Variants in MTHFD2L observed in about 807,000 individuals in gnomAD.
MTHFD2L encodes methylenetetrahydrofolate dehydrogenase (NADP+ dependent) 2 like.
In MTHFD2L, 29 loss-of-function variants were observed where a neutral mutation model predicts 34.9. The ratio of observed to expected loss-of-function variants is 0.83; its 90% CI spans 0.62 to 1.13. The LOEUF is 1.13. MTHFD2L is among the 50% of genes most tolerant of loss of function. The pLI is 0.00. For missense variants in MTHFD2L, 481 were observed against 446.5 expected (o/e 1.08, Z -0.70); for synonymous variants, 167 against 155.7 (o/e 1.07, Z -0.54).
chr4:74,219,087 G>A (rs492042), intron 5 of MTHFD2L, among the ~76,000 whole-genome samples: 142,374 of 152,100 alleles, frequency 0.94, 67,028 homozygotes, highest in Non-Finnish European at 0.99. Context: ...GATTTAAAGT[G>A]TGTAGGAGTA....
chr4:74,145,388 T>C (rs1723534104), intron 1 of MTHFD2L, among the ~76,000 whole-genome samples: 1 of 152,188 alleles, frequency 6.6e-6, no homozygotes, highest in African/African-American at 2.4e-5. Flanking sequence ...TACTTCACCA[T>C]TTTATATAAA....
chr4:74,193,760 ATTGAC>A (rs1732987591), intron 3 of MTHFD2L, among the ~76,000 whole-genome samples: 2 of 152,240 alleles, frequency 1.3e-5, no homozygotes, highest in South Asian at 4.1e-4. Context: ...GTTTTCTTAT[ATTGAC>A]TTTGTAATCT....
At chr4:74,167,075 C>T (rs180890211) in intron 1 of MTHFD2L, among the ~76,000 whole-genome samples, 9 of 152,302 alleles carry the variant, frequency 5.9e-5, no homozygotes, top group Middle Eastern at 3.4e-3. Context: ...TCTGTATTTG[C>T]AGACCAAGGC....
At chr4:74,219,444 C>T (rs963579550) in intron 5 of MTHFD2L, among the ~76,000 whole-genome samples, 9 of 151,958 alleles carry the variant, frequency 5.9e-5, no homozygotes, top group East Asian at 1.9e-4. Context: ...GTACCTGCTG[C>T]GACTTGCTAG....
At chr4:74,157,967 C>T (rs1560420538), upstream of MTHFD2L, 4 of 1,037,126 alleles carry the variant, frequency 3.9e-6, no homozygotes, top group Non-Finnish European at 5.8e-6. Context: ...TCAGTTCCGT[C>T]CCCGGTCCTG....
At chr4:74,136,353 G>A (rs1031970985) in intron 1 of MTHFD2L, among the ~76,000 whole-genome samples, 4 of 151,890 alleles carry the variant, frequency 2.6e-5, no homozygotes, top group Non-Finnish European at 5.9e-5. Flanking sequence ...CAAAAATGAA[G>A]TCAAGAAGGC....
At chr4:74,172,127 C>G (rs969159201) in intron 1 of MTHFD2L, among the ~76,000 whole-genome samples, 1 of 152,066 alleles carries the variant, frequency 6.6e-6, no homozygotes, top group African/African-American at 2.4e-5. Context: ...CCAATATATA[C>G]TGAACAAAAG....
intron 6 of MTHFD2L, among the ~76,000 whole-genome samples, chr4:74,270,821 C>T (rs1182824313): frequency 2.0e-5 from 3 of 152,100 alleles, no homozygotes; most frequent in Non-Finnish European, 4.4e-5. Context: ...TCCACATCCT[C>T]TCCAGCACCT....
At chr4:74,136,706 A>C (rs888827049) in intron 1 of MTHFD2L, among the ~76,000 whole-genome samples, 1 of 152,172 alleles carries the variant, frequency 6.6e-6, no homozygotes, top group East Asian at 1.9e-4. Flanking sequence ...TATACATCAC[A>C]CTACCTGACT....
intron 6 of MTHFD2L, among the ~76,000 whole-genome samples, chr4:74,263,667 A>T (rs1490892827): frequency 6.6e-6 from 1 of 151,950 alleles, no homozygotes; most frequent in Non-Finnish European, 1.5e-5. Flanking sequence ...TGATTTTTGC[A>T]TATTAATTTT....
At chr4:74,115,711 G>A (rs1295488344) in intron 2 of MTHFD2L, among the ~76,000 whole-genome samples, 1 of 152,178 alleles carries the variant, frequency 6.6e-6, no homozygotes, top group Non-Finnish European at 1.5e-5. Context: ...TTAACCTGTG[G>A]TTTGAAAGAA....
At chr4:74,218,341 G>A (rs1284144009) in intron 5 of MTHFD2L, among the ~76,000 whole-genome samples, 3 of 152,050 alleles carry the variant, frequency 2.0e-5, no homozygotes, top group African/African-American at 7.2e-5. Context: ...CTGGCACATG[G>A]ACAGTGCTAC....
intron 7 of MTHFD2L, among the ~76,000 whole-genome samples, chr4:74,300,099 T>A (rs1158452641): frequency 6.6e-6 from 1 of 152,030 alleles, no homozygotes; most frequent in African/African-American, 2.4e-5. Context: ...TTCTATAGAA[T>A]AGAATGCATT....
intron 6 of MTHFD2L, among the ~76,000 whole-genome samples, chr4:74,275,959 C>T (rs1373511388): frequency 6.6e-6 from 1 of 152,084 alleles, no homozygotes; most frequent in East Asian, 1.9e-4. Context: ...TATTTACATC[C>T]CATTTGTCGT....
intron 6 of MTHFD2L, among the ~76,000 whole-genome samples, chr4:74,251,596 G>A (rs1372704813): frequency 1.3e-5 from 2 of 152,038 alleles, no homozygotes; most frequent in African/African-American, 4.8e-5. Context: ...TAGCTCTCAA[G>A]AATCAGCTCA....
upstream of MTHFD2L, among the ~76,000 whole-genome samples, chr4:74,122,945 A>T (rs28550106): frequency 3.7e-3 from 565 of 152,304 alleles, 5 homozygotes; most frequent in African/African-American, 0.013. Flanking sequence ...AAATTCTGGA[A>T]TTCTTTAGAC....
At chr4:74,194,117 GTTATC>G (rs2110032207) in intron 3 of MTHFD2L, 1 of 152,288 alleles carries the variant, frequency 6.6e-6, no homozygotes, top group East Asian at 1.9e-4. Flanking sequence ...TCTCTGGTAA[GTTATC>G]TTATCCTTAG....
chr4:74,117,900 T>C (rs937737499), intron 2 of MTHFD2L, among the ~76,000 whole-genome samples: 7 of 152,344 alleles, frequency 4.6e-5, no homozygotes, highest in African/African-American at 1.4e-4. Flanking sequence ...TTCCATGAAC[T>C]CTGTACTTAT....
At position 74,272,869 on chromosome 4, in the gene MTHFD2L, C is replaced by A. The variant is rs537841599; in HGVS notation, c.806-8556C>A. On this transcript the variant is annotated intron_variant, in intron 6 of 7. Coordinates refer to ENST00000325278, the MANE Select transcript of MTHFD2L (RefSeq NM_001144978.3). ...AATTCTGTCAAAAGGTGTCAAATAACCTATCCTTGAACTCCCTAATGAACT... is the reference window on the plus strand; with the variant it reads ...AATTCTGTCAAAAGGTGTCAAATAAACTATCCTTGAACTCCCTAATGAACT... Among the ~76,000 whole-genome samples, 4 of 152,214 alleles carry A rather than the reference C, an allele frequency of 2.6e-5. No homozygotes were observed. The South Asian group carries it at 8.3e-4, about 32-fold the overall frequency.
Sources: allele counts gnomAD v4.1 joint callset (sites outside exome capture counted in the v4.1 genomes callset), GRCh38; gene constraint gnomAD v4.1.1; transcripts MANE v1.5; gene names NCBI Gene and HGNC (gene_info 2026-07-23, HGNC 2026-07-21).